Variants in CD34 observed in about 807,000 individuals in gnomAD.
CD34 encodes the protein hematopoietic progenitor cell antigen CD34.
Under a neutral mutation model 40.1 loss-of-function variants are expected in CD34, and 34 were observed. That is an observed-to-expected ratio of 0.85 (90% confidence interval 0.65 to 1.13). CD34 has a LOEUF of 1.13. CD34 is among the 50% of genes most tolerant of loss of function. The pLI is 0.00. For missense variants in CD34, 426 were observed against 466.9 expected (o/e 0.91, Z 0.81); for synonymous variants, 209 against 190.0 (o/e 1.10, Z -0.82).
At chr1:207,892,221 T>C (rs767199590) in intron 4 of CD34, among the ~76,000 whole-genome samples, 35 of 152,340 alleles carry the variant, frequency 2.3e-4, no homozygotes, top group Non-Finnish European at 4.3e-4. Flanking sequence ...GTCATGCAAC[T>C]AGTCTGAGTG....
rs201672357 is a variant in CD34, at chr1:207,899,084, C to T, written c.405G>A (p.Lys135=). The change falls in exon 3 of 8, where the codon AAG becomes AAA. Residue 135 remains lysine (K), a synonymous_variant. Transcript: ENST00000310833. ...AAACATTTCCAGGTGACAGGCTAGG[C>T]TTCAAGGTTGTCTCTGGAGTTGAAA... ...ANVSTPETTL[K]PSLSPGNVSD... 1.9e-6 allele frequency: 3 copies of T among 1,614,106 alleles called. No homozygotes were observed. The highest frequency in any genetic ancestry group is 2.5e-6 in the Non-Finnish European group (3 of 1,180,046).
intron 1 of CD34, among the ~76,000 whole-genome samples, chr1:207,909,629 G>A (rs1158634583): frequency 2.0e-5 from 3 of 152,060 alleles, no homozygotes; most frequent in Admixed American, 6.5e-5. Context: ...GGATGGTCTC[G>A]ATCTCTTGAC....
chr1:207,887,608 C>A lies in CD34; in HGVS notation c.*130G>T. ...CAAGGTGTAGGGCCCCAAGAACAGC[C>A]TCTGAGGTGTGTGCAGTGGGGAAGG... On this transcript the variant is annotated 3_prime_UTR_variant, in exon 8 of 8. Transcript: ENST00000310833. 1 of 1,342,206 alleles carries A rather than the reference C, an allele frequency of 7.5e-7. No homozygotes were observed. Among genetic ancestry groups the A allele is most frequent in the Non-Finnish European group, 1.0e-6 (1 of 982,506 alleles). The allele number at this position is 1,342,206 out of a possible 1,614,324, so 83.1% of individuals were successfully genotyped here.
chr1:207,908,891 T>C (rs914323126), intron 1 of CD34, among the ~76,000 whole-genome samples: 16 of 152,222 alleles, frequency 1.1e-4, no homozygotes, highest in Non-Finnish European at 2.2e-4. Context: ...GGGTAAATGA[T>C]GAGAAAACAA....
intron 1 of CD34, among the ~76,000 whole-genome samples, chr1:207,908,968 A>G (rs1219389932): frequency 6.6e-6 from 1 of 152,244 alleles, no homozygotes; most frequent in Admixed American, 6.5e-5. Context: ...GCCCTATGGT[A>G]GCATTTCAAG....
intron 4 of CD34, among the ~76,000 whole-genome samples, chr1:207,894,373 C>T (rs777215008): frequency 3.3e-5 from 5 of 152,128 alleles, no homozygotes; most frequent in Non-Finnish European, 7.4e-5. Flanking sequence ...AACATAGGAA[C>T]AGAAAGTTGC....
intron 1 of CD34, among the ~76,000 whole-genome samples, chr1:207,909,733 T>A (rs1662461797): frequency 6.6e-6 from 1 of 152,184 alleles, no homozygotes; most frequent in South Asian, 2.1e-4. Flanking sequence ...GAGGGCCTAG[T>A]CTAGCACCCA....
At position 207,893,782 on chromosome 1, in the gene CD34, A is replaced by G. The variant is rs1329983943; in HGVS notation, c.597+3711T>C. Among the ~76,000 whole-genome samples the G allele has an allele frequency of 5.3e-5, 8 of 152,228 alleles. No homozygotes were observed. The South Asian group carries it at 1.4e-3, about 28-fold the overall frequency. On this transcript the variant is annotated intron_variant, in intron 4 of 7. Coordinates refer to ENST00000310833, the MANE Select transcript of CD34 (RefSeq NM_001025109.2). ...AAGGACTTGACTAGACTTTTCCCCA[A>G]AGAAGATATACAAATGGCCAACAAA...
rs3738464 is a variant in CD34 at position 207,887,418 on chromosome 1, G to C, written c.*320C>G. On this transcript the variant is annotated 3_prime_UTR_variant, in exon 8 of 8. Transcript: ENST00000310833. ...GTTCCTGTATTGCGGCAGAGAGGAG[G>C]GGGTAGGGGAAGGGGGTCCTGTGTG... The C allele has an allele frequency of 3.0e-3, 833 of 277,852 alleles. 24 individuals carry two copies. The East Asian group carries it at 0.044, about 15-fold the overall frequency. The allele number at this position is 277,852 out of a possible 1,614,324, so 17.2% of individuals were successfully genotyped here.
At chr1:207,889,878 A>T in intron 4 of CD34, 1 of 1,550,358 alleles carries the variant, frequency 6.5e-7, no homozygotes, top group Non-Finnish European at 8.6e-7. Flanking sequence ...AACTTAAAAA[A>T]ATTGTCTCGT....
chr1:207,893,924 C>T (rs1026102660), intron 4 of CD34, among the ~76,000 whole-genome samples: 3 of 152,062 alleles, frequency 2.0e-5, no homozygotes, highest in Non-Finnish European at 4.4e-5. Context: ...GAAAATAACA[C>T]GTGTTGATGA....
chr1:207,904,475 C>T (rs551064760), intron 1 of CD34, among the ~76,000 whole-genome samples: 1 of 152,332 alleles, frequency 6.6e-6, no homozygotes, highest in African/African-American at 2.4e-5. Context: ...TCAAAGGCTT[C>T]TTTACCATGT....
intron 4 of CD34, 60 bp from the exon 5 acceptor site, chr1:207,889,681 C>T (rs1269183370): frequency 1.2e-6 from 2 of 1,608,714 alleles, no homozygotes; most frequent in South Asian, 2.2e-5. Context: ...CCCTAAACTG[C>T]ACCCAGAGTC....
In CD34 at chr1:207,889,467, G is replaced by T. The variant is rs1324154852; in HGVS notation, c.752C>A (p.Thr251Lys). ...CCCCAGGCAGAGGTGCACCTTACCT[G>T]TTCTGTTGGCCAAGACCAGCAGTAG... is the stretch of plus-strand genomic sequence containing the variant. Reference protein sequence around the residue: ...QCLLLVLANRTEISSKLQLMK... With the variant: ...QCLLLVLANRKEISSKLQLMK... Residue 251 changes from threonine (T) to lysine (K), a missense_variant and splice_region_variant, in exon 5 of 8, where the codon ACA (threonine) becomes AAA (lysine). Transcript: ENST00000310833. The T allele has an allele frequency of 6.2e-7, 1 of 1,611,500 alleles. No individual in the cohort carries two copies. The highest frequency in any genetic ancestry group is 1.7e-5 in the Admixed American group (1 of 59,796).
Position 207,887,587 on chromosome 1 carries a change from G to A in CD34, c.*151C>T. 9.1e-7 allele frequency: 1 copy of A among 1,095,512 alleles called. No homozygotes were observed. The highest frequency in any genetic ancestry group is 2.6e-5 in the East Asian group (1 of 38,572). 67.9% of individuals were successfully genotyped at this position (1,095,512 alleles called of 1,614,324 possible). On this transcript the variant is annotated 3_prime_UTR_variant, in exon 8 of 8. Transcript: ENST00000310833. ...AGGAGTTTACCTGCCCCTCCTCAAG[G>A]TGTAGGGCCCCAAGAACAGCCTCTG...
At chr1:207,900,303 T>A (rs950345476) in intron 1 of CD34, among the ~76,000 whole-genome samples, 6 of 152,180 alleles carry the variant, frequency 3.9e-5, no homozygotes, top group African/African-American at 1.4e-4. Context: ...GCACTTAATA[T>A]ACCATAATCA....
Position 207,888,054 on chromosome 1 carries a change from G to A in CD34, c.973-131C>T, listed in dbSNP as rs372219938. 3.0e-5 allele frequency: 48 copies of A among 1,610,004 alleles called. No individual in the cohort carries two copies. In the African/African-American group the frequency reaches 3.2e-4, roughly 11 times the overall value. Reference sequence around the variant, plus strand: ...GGAGGGGGAGGTGGGAGGAAGGATCGGAGGGAGGGTGCAGCTGCATGTGCA... The same window carrying A: ...GGAGGGGGAGGTGGGAGGAAGGATCAGAGGGAGGGTGCAGCTGCATGTGCA... On this transcript the variant is annotated intron_variant, in intron 7 of 7. Transcript: ENST00000310833.
intron 1 of CD34, among the ~76,000 whole-genome samples, chr1:207,908,123 G>A (rs572480569): frequency 5.9e-5 from 9 of 152,280 alleles, no homozygotes; most frequent in East Asian, 1.9e-4. Context: ...ATTTGTTTTC[G>A]TAGGACTCTG....
At chr1:207,888,514 A>C (rs1661957499) in intron 7 of CD34, among the ~76,000 whole-genome samples, 168 bp downstream of exon 7, 1 of 152,220 alleles carries the variant, frequency 6.6e-6, no homozygotes, top group African/African-American at 2.4e-5. Context: ...TTGCTACATA[A>C]TATTTTGAAT....
Sources: gnomAD v4.1 joint callset for allele counts (sites outside exome capture counted in the v4.1 genomes callset) on GRCh38, gnomAD v4.1.1 for gene constraint, MANE v1.5 for transcripts, NCBI Gene and HGNC (gene_info 2026-07-23, HGNC 2026-07-21) for gene names.